PRKN: variants seen among roughly 807,000 people sequenced by gnomAD.
PRKN encodes the protein parkin RBR E3 ubiquitin protein ligase.
A neutral mutation model predicts 59.5 loss-of-function variants in PRKN; 56 were observed. That is an observed-to-expected ratio of 0.94 (90% CI 0.76 to 1.18). The LOEUF is 1.18. PRKN is among the 50% of genes most tolerant of loss of function. PRKN has a pLI of 0.00. For synonymous variants in PRKN, 250 were observed against 222.1 expected, an observed-to-expected ratio of 1.13 and a Z score of -1.12; for missense variants, 657 against 596.4, an observed-to-expected ratio of 1.10 and a Z score of -1.06.
chr6:162,641,029 G>A (rs1252405856), intron 1 of PRKN, among the ~76,000 whole-genome samples: 1 of 152,146 alleles, frequency 6.6e-6, no homozygotes, highest in Non-Finnish European at 1.5e-5. Flanking sequence ...TCCCCTGAGA[G>A]AGAAGACATA....
At chr6:162,006,412 A>T (rs1277125027) in intron 5 of PRKN, among the ~76,000 whole-genome samples, 1 of 152,170 alleles carries the variant, frequency 6.6e-6, no homozygotes, top group Non-Finnish European at 1.5e-5. Flanking sequence ...AACATTCCAC[A>T]TTGTAAACCA....
At chr6:161,654,065 C>T (rs1254123009) in intron 7 of PRKN, among the ~76,000 whole-genome samples, 1 of 151,950 alleles carries the variant, frequency 6.6e-6, no homozygotes, top group Non-Finnish European at 1.5e-5. Flanking sequence ...CTCTTGGCCA[C>T]AAGTGATCCT....
At chr6:161,818,949 T>C (rs1183444409) in intron 6 of PRKN, among the ~76,000 whole-genome samples, 2 of 152,142 alleles carry the variant, frequency 1.3e-5, no homozygotes, top group Non-Finnish European at 2.9e-5. Context: ...CCATCTAACA[T>C]GTACTGTGGT....
chr6:162,103,360 T>G (rs1453531547), intron 4 of PRKN, among the ~76,000 whole-genome samples: 4 of 152,140 alleles, frequency 2.6e-5, no homozygotes, highest in Admixed American at 2.0e-4. Context: ...CTCAAGAATG[T>G]GAGGATGGTT....
At chr6:162,039,996 G>A (rs1784001427) in intron 5 of PRKN, among the ~76,000 whole-genome samples, 1 of 152,194 alleles carries the variant, frequency 6.6e-6, no homozygotes, top group African/African-American at 2.4e-5. Flanking sequence ...TTAAATTAAA[G>A]CAGCATTTGG....
In PRKN at chr6:161,973,336, G is replaced by A. The variant is rs373822092; in HGVS notation, c.700C>T (p.Arg234Trp). Residue 234 changes from arginine (R) to tryptophan (W), a missense_variant, in exon 6 of 12, where the codon CGG becomes TGG. By Grantham distance (101) the Arg-to-Trp change is moderately radical. Transcript: ENST00000366898. ...VALHLIATNSRNITCITCTDV... is the reference protein window; with the variant it reads ...VALHLIATNSWNITCITCTDV... ...GTGCACGTAATGCAAGTGATGTTCC[G>A]ACTATTTGTTGCGATCAGGTGCAAA... is the stretch of plus-strand genomic sequence containing the variant. The A allele has an allele frequency of 8.7e-6, 14 of 1,613,366 alleles. No individual in the cohort carries two copies. The highest frequency in any genetic ancestry group is 1.2e-5 in the Non-Finnish European group (14 of 1,179,442).
intron 1 of PRKN, among the ~76,000 whole-genome samples, chr6:162,525,493 C>G (rs928727555): frequency 7.9e-5 from 12 of 152,206 alleles, no homozygotes; most frequent in Non-Finnish European, 1.6e-4. Context: ...CCCCGTGAGG[C>G]GTGGCCTCAT....
intron 7 of PRKN, among the ~76,000 whole-genome samples, chr6:161,771,343 A>G (rs1168145696): frequency 1.4e-5 from 2 of 143,858 alleles, no homozygotes; most frequent in Non-Finnish European, 3.0e-5. Flanking sequence ...GCGACAGAAC[A>G]AGACTCCACC....
chr6:161,693,716 T>G (rs193259712), intron 7 of PRKN, among the ~76,000 whole-genome samples: 51 of 152,308 alleles, frequency 3.3e-4, no homozygotes, highest in Non-Finnish European at 6.3e-4. Flanking sequence ...GATTGACAGG[T>G]TTTCTACCCC....
At chr6:162,699,521 T>C in intron 1 of PRKN, among the ~76,000 whole-genome samples, 1 of 152,220 alleles carries the variant, frequency 6.6e-6, no homozygotes, top group East Asian at 1.9e-4. Flanking sequence ...ATGTGAGATA[T>C]AATCAAGAAT....
chr6:162,705,555 G>C (rs1778308821), intron 1 of PRKN, among the ~76,000 whole-genome samples: 1 of 152,144 alleles, frequency 6.6e-6, no homozygotes, highest in South Asian at 2.1e-4. Flanking sequence ...TTGGAGGACA[G>C]CCATCAGTCA....
At chr6:161,455,478 T>A (rs1789925485) in intron 9 of PRKN, among the ~76,000 whole-genome samples, 1 of 152,180 alleles carries the variant, frequency 6.6e-6, no homozygotes, top group Non-Finnish European at 1.5e-5. Flanking sequence ...AATGAAAGCA[T>A]CCTAATCATT....
intron 1 of PRKN, among the ~76,000 whole-genome samples, chr6:162,721,141 C>T (rs542010744): frequency 5.3e-5 from 8 of 152,312 alleles, no homozygotes; most frequent in East Asian, 3.9e-4. Flanking sequence ...CATTCTCAGT[C>T]GAAGACTGTC....
chr6:162,664,775 G>GTATA (rs1353269007), intron 1 of PRKN, among the ~76,000 whole-genome samples: 1 of 151,710 alleles, frequency 6.6e-6, no homozygotes, highest in Non-Finnish European at 1.5e-5. Flanking sequence ...TGTAAATTCT[G>GTATA]TATATTAGAC....
At chr6:162,412,151 A>AATGATTTACAGTT (rs1788383370) in intron 2 of PRKN, among the ~76,000 whole-genome samples, 1 of 152,278 alleles carries the variant, frequency 6.6e-6, no homozygotes, top group South Asian at 2.1e-4. Flanking sequence ...CACTGCTACA[A>AATGATTTACAGTT]ATGATTTACA....
intron 1 of PRKN, among the ~76,000 whole-genome samples, chr6:162,611,870 A>C (rs1782167444): frequency 2.0e-5 from 3 of 152,140 alleles, no homozygotes; most frequent in African/African-American, 7.2e-5. Context: ...AAAATCTTCA[A>C]ATACTTGAAG....
intron 1 of PRKN, among the ~76,000 whole-genome samples, chr6:162,545,672 G>C (rs1466101676): frequency 2.0e-5 from 3 of 152,068 alleles, no homozygotes; most frequent in African/African-American, 7.2e-5. Flanking sequence ...TTATTACTCC[G>C]AGGAAATTAA....
Position 161,372,521 on chromosome 6 carries a change from G to C in PRKN, c.1168-12316C>G, listed in dbSNP as rs1785480418. The stretch of plus-strand genomic sequence containing the variant: ...TCTAAGATGTGCCAGGCACTGTCCT[G>C]GACCCTGGGGATACATCCCAGTAAA... On this transcript the variant is annotated intron_variant, in intron 10 of 11. Coordinates refer to ENST00000366898, the MANE Select transcript of PRKN (RefSeq NM_004562.3). The surrounding 1 kb of genome is among the most constrained non-coding windows in gnomAD (Gnocchi z 4.2). Among the ~76,000 whole-genome samples the C allele has an allele frequency of 6.6e-6, 1 of 152,200 alleles. No homozygotes were observed. The highest frequency in any genetic ancestry group is 1.5e-5 in the Non-Finnish European group (1 of 68,042).
At chr6:161,875,340 C>G (rs998308203) in intron 6 of PRKN, among the ~76,000 whole-genome samples, 6 of 150,962 alleles carry the variant, frequency 4.0e-5, no homozygotes, top group African/African-American at 1.2e-4. Flanking sequence ...ATTACATGTG[C>G]GAGCCATCAC....
Sources: allele counts gnomAD v4.1 joint callset (sites outside exome capture counted in the v4.1 genomes callset), GRCh38; gene constraint gnomAD v4.1.1; non-coding constraint Gnocchi (gnomAD v3.1); transcripts MANE v1.5; gene names NCBI Gene and HGNC (gene_info 2026-07-23, HGNC 2026-07-21).